NRG1: variants seen among roughly 807,000 people sequenced by gnomAD.
The protein encoded by NRG1 is neuregulin 1.
NRG1 carries 18 observed loss-of-function variants against 63.8 expected under a neutral mutation model. The ratio of observed to expected loss-of-function variants is 0.28; its 90% confidence interval spans 0.19 to 0.42. The LOEUF (loss-of-function observed/expected upper bound fraction) is 0.42. NRG1 is among the 10% of genes least tolerant of loss of function. The probability of loss-of-function intolerance (pLI) is 1.00; values close to 1 mark genes in which losing one functional copy is unlikely to be tolerated. For missense variants in NRG1, 762 were observed against 814.7 expected (o/e 0.94, Z 0.79); for synonymous variants, 302 against 301.3 (o/e 1.00, Z -0.02).
chr8:32,748,358 CA>C (rs1827956661), intron 7 of NRG1, among the ~76,000 whole-genome samples: 2 of 121,962 alleles, frequency 1.6e-5, no homozygotes, highest in Non-Finnish European at 3.5e-5. Flanking sequence ...CACACACACA[CA>C]GAGAGAGAGA....
intron 1 of NRG1, among the ~76,000 whole-genome samples, chr8:32,297,207 T>C (rs1220563340): frequency 2.0e-5 from 3 of 152,032 alleles, no homozygotes; most frequent in Non-Finnish European, 4.4e-5. Context: ...TAAAAATTTC[T>C]AGATTTCTCT....
chr8:32,360,648 T>C (rs1482256703), intron 1 of NRG1, among the ~76,000 whole-genome samples: 1 of 152,204 alleles, frequency 6.6e-6, no homozygotes, highest in Non-Finnish European at 1.5e-5. Flanking sequence ...TTTTGTATTC[T>C]TCTTCATAAA....
chr8:32,497,668 CAT>C (rs1227294557), intron 1 of NRG1, among the ~76,000 whole-genome samples: 3 of 152,122 alleles, frequency 2.0e-5, no homozygotes, highest in African/African-American at 4.8e-5. Flanking sequence ...AGAGAACTAA[CAT>C]GTGTACGTGA....
At position 32,500,795 on chromosome 8, in the gene NRG1, G is replaced by A. The variant is rs568766066; in HGVS notation, c.38-95033G>A. On this transcript the variant is annotated intron_variant, in intron 1 of 10. Coordinates refer to the NRG1 transcript ENST00000519301. ...AGGGTTTCCTGACATCCAGAAGATA[G>A]AACATTAAATAACCAGCAAGGTTTC... 2.4e-4 allele frequency among the ~76,000 whole-genome samples: 37 copies of A among 152,238 alleles called. No individual in the cohort carries two copies. The East Asian group carries it at 6.4e-3, about 26-fold the overall frequency.
intron 1 of NRG1, among the ~76,000 whole-genome samples, chr8:31,859,216 T>C (rs1312491157): frequency 6.6e-6 from 1 of 152,174 alleles, no homozygotes; most frequent in African/African-American, 2.4e-5. Context: ...TGTTAATAAA[T>C]ATAAAATATA....
intron 5 of NRG1, among the ~76,000 whole-genome samples, chr8:32,622,849 A>G (rs912831705): frequency 3.3e-5 from 5 of 152,218 alleles, no homozygotes; most frequent in Non-Finnish European, 5.9e-5. Flanking sequence ...GAAAAGTGAC[A>G]TGGCTCTAAA....
At chr8:32,601,481 T>C (rs1010066106) in intron 2 of NRG1, among the ~76,000 whole-genome samples, 3 of 152,166 alleles carry the variant, frequency 2.0e-5, no homozygotes, top group Admixed American at 6.5e-5. Flanking sequence ...AGTGCTTCTA[T>C]GTAATATCAT....
intron 1 of NRG1, among the ~76,000 whole-genome samples, chr8:31,831,548 A>G (rs1483832921): frequency 6.6e-6 from 1 of 152,240 alleles, no homozygotes; most frequent in Admixed American, 6.5e-5. Context: ...AGTAATTTAT[A>G]TATCCTTATA....
chr8:32,674,828 G>A (rs1173325891), intron 5 of NRG1, among the ~76,000 whole-genome samples: 4 of 152,202 alleles, frequency 2.6e-5, no homozygotes, highest in Non-Finnish European at 4.4e-5. Context: ...ACTCAGAGAT[G>A]TGAAGTGGCT....
rs144657045 is a variant in NRG1, at chr8:32,515,445, T to TTTTTG, written c.38-80367_38-80363dup. On this transcript the variant is annotated intron_variant, in intron 1 of 10. Coordinates refer to the NRG1 transcript ENST00000519301. ...GTCTGTTCATGTCCTTTGCCCAGTT[T>TTTTTG]TTTTGTTTTGTTTTGTTTTGAGACA... 2.3e-3 allele frequency among the ~76,000 whole-genome samples: 344 copies of TTTTTG among 152,108 alleles called. 1 individual carries two copies. The highest frequency in any genetic ancestry group is 7.7e-3 in the African/African-American group (319 of 41,514).
At position 32,328,941 on chromosome 8, in the gene NRG1, G is replaced by A. The variant is rs554546316; in HGVS notation, c.38-266887G>A. On this transcript the variant is annotated intron_variant, in intron 1 of 10. Coordinates refer to the NRG1 transcript ENST00000519301. ...TGGAAGGTGGAAGAAAGTTCCTTCT[G>A]ACTTGTTAAAACCCTTAAAATCTAC... is the stretch of plus-strand genomic sequence containing the variant. Among the ~76,000 whole-genome samples, 13 of 151,076 alleles carry A rather than the reference G, an allele frequency of 8.6e-5. No individual in the cohort carries two copies. The South Asian group carries it at 2.8e-3, about 32-fold the overall frequency.
chr8:31,652,954 T>TCTCTCCTCTCCTCTCCTCTC (rs149262363), intron 1 of NRG1, among the ~76,000 whole-genome samples: 1 of 22,438 alleles, frequency 4.5e-5, no homozygotes, highest in African/African-American at 1.9e-4. Flanking sequence ...CTTCCTCTCT[T>TCTCTCCTCTCCTCTCCTCTC]CTCTCCTCTC....
At chr8:32,384,540 T>C (rs777091152) in intron 1 of NRG1, among the ~76,000 whole-genome samples, 1 of 152,230 alleles carries the variant, frequency 6.6e-6, no homozygotes, top group Non-Finnish European at 1.5e-5. Flanking sequence ...GTCTAGCAGT[T>C]GAAAGCTCTC....
At position 32,738,425 on chromosome 8, in the gene NRG1, T is replaced by TACACACACACACAC. The variant is rs35398326; in HGVS notation, c.633-4242_633-4229dup. ...ATTAATGAAACGAATGGTATATACA[T>TACACACACACACAC]ACACACACACACACACACACATATG... is the stretch of plus-strand genomic sequence containing the variant. On this transcript the variant is annotated intron_variant, in intron 6 of 11. Transcript: ENST00000356819. 2.0e-5 allele frequency among the ~76,000 whole-genome samples: 3 copies of TACACACACACACAC among 149,766 alleles called. No homozygotes were observed. In the East Asian group the frequency reaches 5.9e-4, roughly 29 times the overall value.
intron 1 of NRG1, among the ~76,000 whole-genome samples, chr8:32,316,973 G>T (rs1290128214): frequency 1.3e-5 from 2 of 152,182 alleles, no homozygotes; most frequent in Non-Finnish European, 2.9e-5. Flanking sequence ...GCCCTTCAAT[G>T]AATAGAGTGG....
At chr8:32,683,006 T>C (rs1307074370) in intron 5 of NRG1, among the ~76,000 whole-genome samples, 1 of 152,156 alleles carries the variant, frequency 6.6e-6, no homozygotes, top group Non-Finnish European at 1.5e-5. Context: ...ATCACAGCCA[T>C]TTAGAGAAGG....
chr8:32,389,501 C>T (rs1014316592), intron 1 of NRG1, among the ~76,000 whole-genome samples: 3 of 152,170 alleles, frequency 2.0e-5, no homozygotes, highest in Admixed American at 6.5e-5. Context: ...CTTCATTTCA[C>T]TTGTCCGCTG....
intron 1 of NRG1, among the ~76,000 whole-genome samples, chr8:32,049,835 A>G (rs1019482954): frequency 2.0e-5 from 3 of 152,132 alleles, no homozygotes; most frequent in Non-Finnish European, 4.4e-5. Flanking sequence ...CCCTCCAATC[A>G]GCCTGATCTG....
At chr8:32,176,777 G>C (rs1840786363) in intron 1 of NRG1, among the ~76,000 whole-genome samples, 1 of 152,128 alleles carries the variant, frequency 6.6e-6, no homozygotes, top group Admixed American at 6.6e-5. Flanking sequence ...ACCACAATGA[G>C]ATACCATCTC....
Sources: gnomAD v4.1 joint callset for allele counts (sites outside exome capture counted in the v4.1 genomes callset) on GRCh38, gnomAD v4.1.1 for gene constraint, MANE v1.5 for transcripts, NCBI Gene and HGNC (gene_info 2026-07-23, HGNC 2026-07-21) for gene names.